Variants in COL11A1 observed in about 807,000 individuals in gnomAD.
COL11A1 encodes the protein collagen type XI alpha 1 chain.
In COL11A1, 74 loss-of-function variants were observed where a neutral mutation model predicts 265.2. The observed-to-expected ratio is 0.28, with a 90% CI of 0.23 to 0.34. The LOEUF is 0.34. Ranked by LOEUF, COL11A1 falls within the 10% of genes least tolerant of loss-of-function variation. The probability of loss-of-function intolerance (pLI) is 1.00; values close to 1 mark genes in which losing one functional copy is unlikely to be tolerated. For synonymous variants in COL11A1, 816 were observed against 727.6 expected, an observed-to-expected ratio of 1.12 and a Z score of -1.96; for missense variants, 2,165 against 2,263.6, an observed-to-expected ratio of 0.96 and a Z score of 0.88.
Position 103,088,463 on chromosome 1 carries a change from T to C in COL11A1, c.107-5491A>G, listed in dbSNP as rs533647224. Among the ~76,000 whole-genome samples the C allele has an allele frequency of 2.5e-3, 388 of 152,328 alleles. 6 individuals carry two copies. The highest frequency in any genetic ancestry group is 9.2e-3 in the African/African-American group (381 of 41,566). On this transcript the variant is annotated intron_variant, in intron 1 of 66. Transcript: ENST00000370096. The stretch of plus-strand genomic sequence containing the variant: ...GACCTCCTTGCTGCCTATTTTTATA[T>C]GGTACATGATGTAAGAATAATTGTA...
At chr1:103,069,111 CAAT>C (rs1343883696) in intron 4 of COL11A1, among the ~76,000 whole-genome samples, 1 of 151,462 alleles carries the variant, frequency 6.6e-6, no homozygotes, top group Non-Finnish European at 1.5e-5. Flanking sequence ...ATTGCTACAA[CAAT>C]GTTTTACAAA....
At chr1:103,103,997 A>G (rs906929626) in intron 1 of COL11A1, among the ~76,000 whole-genome samples, 12 of 152,076 alleles carry the variant, frequency 7.9e-5, no homozygotes, top group Non-Finnish European at 1.5e-4. Flanking sequence ...TGAATATTAC[A>G]AGAATATTTT....
At chr1:102,946,225 C>T (rs572539257) in intron 42 of COL11A1, among the ~76,000 whole-genome samples, 3 of 144,478 alleles carry the variant, frequency 2.1e-5, no homozygotes, top group Non-Finnish European at 3.0e-5. Flanking sequence ...ATACCTAATG[C>T]TAAATGACGA....
At chr1:102,905,072 A>G (rs2100971524) in intron 54 of COL11A1, among the ~76,000 whole-genome samples, 1 of 151,924 alleles carries the variant, frequency 6.6e-6, no homozygotes, top group African/African-American at 2.4e-5. Flanking sequence ...TGTCCTTTGT[A>G]GGGACATGGA....
At chr1:103,023,814 A>G (rs151058482) in intron 7 of COL11A1, among the ~76,000 whole-genome samples, 67 of 152,324 alleles carry the variant, frequency 4.4e-4, no homozygotes, top group African/African-American at 1.6e-3. Flanking sequence ...TATGTAGAGT[A>G]TCTCATATGT....
intron 54 of COL11A1, among the ~76,000 whole-genome samples, chr1:102,904,971 C>T (rs1400717151): frequency 6.6e-6 from 1 of 151,902 alleles, no homozygotes; most frequent in Non-Finnish European, 1.5e-5. Flanking sequence ...TTGGAACCAA[C>T]CTAAATGTCT....
At chr1:102,915,477 A>G (rs765886507) in intron 50 of COL11A1, among the ~76,000 whole-genome samples, 154 bp downstream of exon 50, 2 of 152,224 alleles carry the variant, frequency 1.3e-5, no homozygotes, top group Non-Finnish European at 2.9e-5. Flanking sequence ...ATCCAAAGTT[A>G]TTAAACAAGG....
At chr1:103,031,322 A>G (rs1384846857) in intron 4 of COL11A1, 78 bp from the exon 5 acceptor site, 2 of 1,493,700 alleles carry the variant, frequency 1.3e-6, no homozygotes, top group African/African-American at 2.8e-5. Context: ...CCAAAGCGAG[A>G]TGTGGTTTAT....
At chr1:102,910,404 G>A (rs1041904665) in intron 54 of COL11A1, among the ~76,000 whole-genome samples, 51 of 151,874 alleles carry the variant, frequency 3.4e-4, no homozygotes, top group African/African-American at 1.2e-3. Context: ...ATTTTAAAAT[G>A]AAACTAGACT....
chr1:103,012,310 T>C, intron 14 of COL11A1, 103 bp downstream of exon 14: 1 of 827,700 alleles, frequency 1.2e-6, no homozygotes. Flanking sequence ...AAACATACCC[T>C]ATTGTCACCA....
intron 28 of COL11A1, among the ~76,000 whole-genome samples, chr1:102,995,132 C>T (rs1275613842): frequency 1.3e-5 from 2 of 152,044 alleles, no homozygotes; most frequent in African/African-American, 2.4e-5. Context: ...TTTGGGTGGG[C>T]ATACAGCTAA....
chr1:102,909,882 C>T (rs953657555), intron 54 of COL11A1, among the ~76,000 whole-genome samples: 3 of 151,166 alleles, frequency 2.0e-5, no homozygotes, highest in Non-Finnish European at 4.4e-5. Context: ...AAGTAATAAA[C>T]ACAAATATAT....
At chr1:103,008,760 G>A (rs1037206527) in intron 14 of COL11A1, among the ~76,000 whole-genome samples, 3 of 152,126 alleles carry the variant, frequency 2.0e-5, no homozygotes, top group Admixed American at 2.0e-4. Context: ...CTACACAGAA[G>A]CTAACCTCAT....
chr1:103,060,798 CA>C (rs201877415), intron 4 of COL11A1, among the ~76,000 whole-genome samples: 22 of 151,728 alleles, frequency 1.4e-4, no homozygotes, highest in African/African-American at 5.3e-4. Flanking sequence ...CCTATCTCTA[CA>C]AAAAAATAGA....
At chr1:103,049,948 A>G (rs1295008223) in intron 4 of COL11A1, among the ~76,000 whole-genome samples, 4 of 152,298 alleles carry the variant, frequency 2.6e-5, no homozygotes, top group East Asian at 3.9e-4. Context: ...TCTGGCTTGT[A>G]GAGTTTCTGC....
chr1:102,898,079 T>C (rs1249655406), intron 57 of COL11A1, 46 bp downstream of exon 57: 3 of 1,316,384 alleles, frequency 2.3e-6, no homozygotes, highest in Non-Finnish European at 2.1e-6. Flanking sequence ...AACAATTTTG[T>C]TTTAGAAATT....
At chr1:103,034,732 A>G (rs1001277067) in intron 4 of COL11A1, among the ~76,000 whole-genome samples, 3 of 150,856 alleles carry the variant, frequency 2.0e-5, no homozygotes, top group African/African-American at 7.3e-5. Context: ...TTTGCTTTTT[A>G]CTTTGTATGG....
At chr1:103,084,263 C>T (rs758674683) in intron 1 of COL11A1, among the ~76,000 whole-genome samples, 1 of 152,250 alleles carries the variant, frequency 6.6e-6, no homozygotes, top group African/African-American at 2.4e-5. Flanking sequence ...CCTCCTACCC[C>T]CTGACAACCT....
intron 2 of COL11A1, 61 bp downstream of exon 2, chr1:103,082,744 A>G (rs886571822): frequency 4.0e-5 from 56 of 1,386,820 alleles, no homozygotes; most frequent in Admixed American, 1.0e-4. Context: ...TAGTTTTAGT[A>G]GTAACAAAAG....
Sources: allele counts gnomAD v4.1 joint callset (sites outside exome capture counted in the v4.1 genomes callset), GRCh38; gene constraint gnomAD v4.1.1; transcripts MANE v1.5; gene names NCBI Gene and HGNC (gene_info 2026-07-23, HGNC 2026-07-21).